Variants in SDK1 observed in about 807,000 individuals in gnomAD.
The protein encoded by SDK1 is sidekick cell adhesion molecule 1.
In SDK1, 157 loss-of-function variants were observed where a neutral mutation model predicts 245.5. The observed-to-expected ratio is 0.64, with a 90% CI of 0.56 to 0.73. The LOEUF is 0.73. Ranked by LOEUF, SDK1 falls within the 30% of genes least tolerant of loss-of-function variation. The pLI is 0.00. For synonymous variants in SDK1, 1,647 were observed against 1,278.5 expected (o/e 1.29, Z -6.15); for missense variants, 3,583 against 3,002.3 (o/e 1.19, Z -4.52).
At chr7:3,943,531 C>T (rs974698479) in intron 5 of SDK1, among the ~76,000 whole-genome samples, 1 of 150,208 alleles carries the variant, frequency 6.7e-6, no homozygotes, top group Non-Finnish European at 1.5e-5. Flanking sequence ...CCATTTCCCC[C>T]ACCCCACCCC....
intron 1 of SDK1, among the ~76,000 whole-genome samples, chr7:3,412,199 G>A (rs1440878059): frequency 6.6e-6 from 1 of 152,108 alleles, no homozygotes; most frequent in Middle Eastern, 3.2e-3. Context: ...TGAAGAGTTG[G>A]AAAGCATCTA....
chr7:3,750,420 C>T (rs1369105841), intron 4 of SDK1, among the ~76,000 whole-genome samples: 5 of 152,152 alleles, frequency 3.3e-5, no homozygotes, highest in East Asian at 3.8e-4. Flanking sequence ...GTTAGAGAAT[C>T]AACTCTTCAG....
At chr7:3,630,176 C>T (rs1263055217) in intron 2 of SDK1, among the ~76,000 whole-genome samples, 1 of 152,034 alleles carries the variant, frequency 6.6e-6, no homozygotes, top group South Asian at 2.1e-4. Flanking sequence ...GTTGGAATCC[C>T]CCAAGGAGGC....
In SDK1 at chr7:3,901,316, A is replaced by T. The variant is rs535473207; in HGVS notation, c.848-49607A>T. On this transcript the variant is annotated intron_variant, in intron 5 of 44. Coordinates refer to ENST00000404826, the MANE Select transcript of SDK1 (RefSeq NM_152744.4). Reference sequence around the variant, plus strand: ...ATTCTCCTGCCTCAGCCTCCCGAGTAGCTGGGACTACAGGCATGTGCCACC... The same window carrying T: ...ATTCTCCTGCCTCAGCCTCCCGAGTTGCTGGGACTACAGGCATGTGCCACC... 5.9e-5 allele frequency among the ~76,000 whole-genome samples: 9 copies of T among 152,124 alleles called. No homozygotes were observed. The South Asian group carries it at 1.9e-3, about 32-fold the overall frequency.
chr7:4,174,301 C>G lies in SDK1; in HGVS notation c.4880C>G (p.Ser1627Ter). The change falls in exon 33 of 45, where the codon TCA becomes TGA. Residue 1627 changes from serine to a stop codon, truncating the protein, a stop_gained. Coordinates refer to ENST00000404826, the MANE Select transcript of SDK1 (RefSeq NM_152744.4). LOFTEE classifies it high-confidence loss of function. ...AGGGAGCTGGAGTATGAAGCCGGGT[C>G]AGGCACTGAGGCCAAGACGCTCAAA... ...YYRELEYEAG[S>*]GTEAKTLKNP... is the part of the protein sequence containing the mutation. 1 of 1,613,920 alleles carries G rather than the reference C, an allele frequency of 6.2e-7. No homozygotes were observed. Among genetic ancestry groups the G allele is most frequent in the Non-Finnish European group, 8.5e-7 (1 of 1,179,796 alleles).
intron 12 of SDK1, 134 bp from the exon 13 acceptor site, chr7:3,974,235 T>G: frequency 1.5e-6 from 1 of 656,672 alleles, no homozygotes; most frequent in Non-Finnish European, 2.5e-6. Flanking sequence ...ATCACTCTTT[T>G]AAAGAGCACA....
intron 44 of SDK1, among the ~76,000 whole-genome samples, chr7:4,259,211 G>A (rs1787815001): frequency 6.6e-6 from 1 of 152,148 alleles, no homozygotes; most frequent in African/African-American, 2.4e-5. Context: ...GGCCGAGGTG[G>A]GCAAATCAGC....
intron 4 of SDK1, among the ~76,000 whole-genome samples, chr7:3,695,712 T>C (rs1200931804): frequency 1.3e-5 from 2 of 152,206 alleles, no homozygotes; most frequent in African/African-American, 4.8e-5. Context: ...ATATCATGTG[T>C]ACATTTTCCT....
intron 19 of SDK1, among the ~76,000 whole-genome samples, chr7:4,067,093 A>G (rs1009945560): frequency 6.6e-6 from 1 of 152,174 alleles, no homozygotes; most frequent in African/African-American, 2.4e-5. Flanking sequence ...TATTCTTATA[A>G]TTGTCTCGCT....
At chr7:3,600,228 C>T (rs768756988) in intron 1 of SDK1, among the ~76,000 whole-genome samples, 8 of 152,102 alleles carry the variant, frequency 5.3e-5, no homozygotes, top group African/African-American at 1.9e-4. Context: ...AAATGTTCAT[C>T]GTTTATAGAA....
rs114736969 is a variant in SDK1 at position 3,790,873 on chromosome 7, C to T, written c.714-30577C>T. On this transcript the variant is annotated intron_variant, in intron 4 of 44. Transcript: ENST00000404826. The stretch of plus-strand genomic sequence containing the variant: ...GAACTTGGGGCTAGGGAGGTTGGGA[C>T]AGGGGAATATTCATTTTGGGGGCAG... Among the ~76,000 whole-genome samples, 851 of 152,136 alleles carry T rather than the reference C, an allele frequency of 5.6e-3. 9 individuals carry two copies. The highest frequency in any genetic ancestry group is 0.02 in the African/African-American group (818 of 41,486).
At chr7:3,624,222 A>G (rs1381579039) in intron 2 of SDK1, among the ~76,000 whole-genome samples, 2 of 152,154 alleles carry the variant, frequency 1.3e-5, no homozygotes, top group African/African-American at 2.4e-5. Flanking sequence ...TTGCTGAGAT[A>G]GGGTCTCACT....
At chr7:3,313,652 C>T (rs1486047499) in intron 1 of SDK1, among the ~76,000 whole-genome samples, 4 of 151,938 alleles carry the variant, frequency 2.6e-5, no homozygotes, top group Admixed American at 2.6e-4. Context: ...AACGGATTAG[C>T]GAGAGTGTAA....
chr7:3,849,333 G>C (rs1780362822), intron 5 of SDK1, among the ~76,000 whole-genome samples: 1 of 152,136 alleles, frequency 6.6e-6, no homozygotes, highest in Admixed American at 6.5e-5. Flanking sequence ...GCTGAGGTCT[G>C]AGCTCCTTTC....
intron 4 of SDK1, 74 bp from the exon 5 acceptor site, chr7:3,821,376 C>A (rs1779641976): frequency 4.6e-6 from 7 of 1,512,082 alleles, no homozygotes; most frequent in East Asian, 4.7e-5. Flanking sequence ...TATAGTTGGC[C>A]TAATTAATTT....
At chr7:4,143,369 A>G (rs1414473519) in intron 28 of SDK1, among the ~76,000 whole-genome samples, 3 of 152,032 alleles carry the variant, frequency 2.0e-5, no homozygotes, top group Non-Finnish European at 2.9e-5. Flanking sequence ...CGTGACTGCA[A>G]TTGTTTTATA....
At chr7:3,799,327 C>T (rs1040842476) in intron 4 of SDK1, among the ~76,000 whole-genome samples, 8 of 151,538 alleles carry the variant, frequency 5.3e-5, no homozygotes, top group African/African-American at 1.5e-4. Flanking sequence ...CATGTTCTTT[C>T]CATTTTCCCA....
chr7:3,929,793 G>C (rs111716697), intron 5 of SDK1, among the ~76,000 whole-genome samples: 69 of 152,074 alleles, frequency 4.5e-4, no homozygotes, highest in African/African-American at 1.5e-3. Flanking sequence ...GTATTAGCTG[G>C]TTTTGCGTTG....
intron 1 of SDK1, among the ~76,000 whole-genome samples, chr7:3,330,891 G>A (rs1447111171): frequency 6.7e-6 from 1 of 150,084 alleles, no homozygotes; most frequent in African/African-American, 2.4e-5. Flanking sequence ...AGGATTGCTT[G>A]AGTCCAGGAG....
Sources: allele counts gnomAD v4.1 joint callset (sites outside exome capture counted in the v4.1 genomes callset), GRCh38; gene constraint gnomAD v4.1.1; transcripts MANE v1.5; gene names NCBI Gene and HGNC (gene_info 2026-07-23, HGNC 2026-07-21).